The following SLC16A12 variants were observed in gnomAD, a reference collection of about 807,000 sequenced individuals.
The protein encoded by SLC16A12 is solute carrier family 16 member 12, also known as monocarboxylate transporter 12.
In SLC16A12, 17 loss-of-function variants were observed where a neutral mutation model predicts 42.4. That is an observed-to-expected ratio of 0.40 (90% CI 0.27 to 0.60). The LOEUF (loss-of-function observed/expected upper bound fraction) is 0.60, where lower values mean the gene tolerates loss of function less well. SLC16A12 is among the 20% of genes least tolerant of loss of function. The pLI, the probability that SLC16A12 is intolerant of heterozygous loss-of-function variation, is 0.42. For missense variants in SLC16A12, 544 were observed against 623.0 expected (o/e 0.87, Z 1.35); for synonymous variants, 224 against 229.4 (o/e 0.98, Z 0.21).
At chr10:89,522,923 T>A (rs933779205) in intron 2 of SLC16A12, among the ~76,000 whole-genome samples, 2 of 152,234 alleles carry the variant, frequency 1.3e-5, no homozygotes, top group Admixed American at 1.3e-4. Flanking sequence ...AGACCTTAGA[T>A]GGGATTTTCC....
chr10:89,452,049 C>A (rs1453004690), intron 3 of SLC16A12, among the ~76,000 whole-genome samples: 2 of 152,172 alleles, frequency 1.3e-5, no homozygotes, highest in Non-Finnish European at 2.9e-5. Flanking sequence ...CACAAAGGAC[C>A]AAGGATTTCT....
In SLC16A12 at chr10:89,459,155, C is replaced by G. The variant is rs186442384; in HGVS notation, c.200+3224G>C. Among the ~76,000 whole-genome samples the G allele has an allele frequency of 2.4e-3, 370 of 152,198 alleles. 4 individuals carry two copies. Among genetic ancestry groups the G allele is most frequent in the Non-Finnish European group, 3.1e-3 (210 of 68,004 alleles). ...AATTAATTCCTTGGTTCCTAGGTTT[C>G]TTAGTCTGAAGTGTGATTCTTAAGA... is the stretch of plus-strand genomic sequence containing the variant. On this transcript the variant is annotated intron_variant, in intron 3 of 7. Coordinates refer to ENST00000371790, the MANE Select transcript of SLC16A12 (RefSeq NM_213606.4).
chr10:89,551,310 G>A (rs1446638762), intron 2 of SLC16A12, among the ~76,000 whole-genome samples: 1 of 152,078 alleles, frequency 6.6e-6, no homozygotes, highest in Non-Finnish European at 1.5e-5. Context: ...AGGTAGGATG[G>A]TGCATGTTTG....
At chr10:89,442,755 C>T (rs1003178649) in intron 4 of SLC16A12, among the ~76,000 whole-genome samples, 1 of 152,172 alleles carries the variant, frequency 6.6e-6, no homozygotes, top group Non-Finnish European at 1.5e-5. Context: ...AAATATTATA[C>T]ATTTCAGTAC....
At position 89,431,496 on chromosome 10, in the gene SLC16A12, AG is replaced by A. The variant is rs1428534190; in HGVS notation, c.*1567del. 1 of 152,266 alleles carries A rather than the reference AG, an allele frequency of 6.6e-6. No homozygotes were observed. Among genetic ancestry groups the A allele is most frequent in the Non-Finnish European group, 1.5e-5 (1 of 68,052 alleles). The allele number at this position is 152,266 out of a possible 1,614,324, so 9.4% of individuals were successfully genotyped here. On this transcript the variant is annotated 3_prime_UTR_variant, in exon 8 of 8. Transcript: ENST00000371790. ...AACATGTGATTTTATGAAATAATCA[AG>A]GTATAGGCAAGCTCTCTTGCGGAGC...
intron 3 of SLC16A12, among the ~76,000 whole-genome samples, chr10:89,460,354 C>G (rs1299413614): frequency 1.3e-5 from 2 of 152,022 alleles, no homozygotes; most frequent in African/African-American, 4.8e-5. Context: ...GTCCAGGGAG[C>G]TGTCATATCA....
intron 2 of SLC16A12, among the ~76,000 whole-genome samples, chr10:89,526,333 C>G (rs941773056): frequency 6.6e-6 from 1 of 152,208 alleles, no homozygotes; most frequent in African/African-American, 2.4e-5. Context: ...CATCTCACCC[C>G]TCTCTAGAAA....
At chr10:89,521,372 G>A (rs745478931) in intron 2 of SLC16A12, among the ~76,000 whole-genome samples, 4 of 152,216 alleles carry the variant, frequency 2.6e-5, no homozygotes, top group South Asian at 4.1e-4. Context: ...CAGAGCAATA[G>A]CTCCATATCT....
chr10:89,450,237 T>C (rs1842071846), intron 3 of SLC16A12, among the ~76,000 whole-genome samples: 1 of 152,234 alleles, frequency 6.6e-6, no homozygotes. Flanking sequence ...AAATACCATT[T>C]GACCCAGTGA....
intron 2 of SLC16A12, among the ~76,000 whole-genome samples, chr10:89,531,075 T>G (rs1174972943): frequency 6.6e-6 from 1 of 152,174 alleles, no homozygotes; most frequent in Non-Finnish European, 1.5e-5. Flanking sequence ...CATTCTTTGT[T>G]TAGCATTCAT....
intron 2 of SLC16A12, among the ~76,000 whole-genome samples, chr10:89,520,649 ATG>A (rs1418973828): frequency 1.3e-5 from 2 of 151,456 alleles, no homozygotes; most frequent in Non-Finnish European, 2.9e-5. Flanking sequence ...TAGTTAGCAA[ATG>A]ACAATCCCTG....
chr10:89,439,072 G>A lies in SLC16A12; in HGVS notation c.560C>T (p.Thr187Ile), dbSNP rs1841858360. The A allele has an allele frequency of 6.2e-7, 1 of 1,613,388 alleles. No individual in the cohort carries two copies. The highest frequency in any genetic ancestry group is 8.5e-7 in the Non-Finnish European group (1 of 1,179,658). The change falls in exon 6 of 8, where the codon ACC (threonine) becomes ATC (isoleucine). Residue 187 changes from threonine to isoleucine, a missense_variant. Transcript: ENST00000371790. ...CTGAACCACAGGAGCCAGGATGAAGGTGCCAATGCCACTTCCTGACATGGC... is the reference window on the plus strand; with the variant it reads ...CTGAACCACAGGAGCCAGGATGAAGATGCCAATGCCACTTCCTGACATGGC... ...GIAMSGSGIGTFILAPVVQLL... is the reference protein window; with the variant it reads ...GIAMSGSGIGIFILAPVVQLL...
Position 89,459,316 on chromosome 10 carries a change from T to TAA in SLC16A12, c.200+3061_200+3062dup, listed in dbSNP as rs111833100. On this transcript the variant is annotated intron_variant, in intron 3 of 7. Transcript: ENST00000371790. ...ACTCCCATAACCAAGGCAGTTTTTT[T>TAA]AAAAAAAAAAACCCATGTCTTATAA... Among the ~76,000 whole-genome samples the TAA allele has an allele frequency of 3.2e-3, 478 of 148,896 alleles. 1 individual carries two copies. The highest frequency in any genetic ancestry group is 0.011 in the African/African-American group (439 of 40,718).
In SLC16A12 at chr10:89,462,482, T is replaced by C. The variant is rs144003754; in HGVS notation, c.97A>G (p.Lys33Glu). 2.3e-4 allele frequency: 371 copies of C among 1,614,082 alleles called. 1 individual carries two copies. In the African/African-American group the frequency reaches 4.4e-3, roughly 19 times the overall value. Residue 33 changes from lysine (K) to glutamate (E), a missense_variant, in exon 3 of 8, where the codon AAA becomes GAA. Coordinates refer to ENST00000371790, the MANE Select transcript of SLC16A12 (RefSeq NM_213606.4). ...GAGGTAGACCGAGCTCTATTTACTT[T>C]TGCCATGGTTTTTCTTTTTTCTTCT... ...GKEEKRKTMA[K>E]VNRARSTSPP...
At chr10:89,447,084 T>A (rs1436427788) in intron 3 of SLC16A12, among the ~76,000 whole-genome samples, 1 of 152,162 alleles carries the variant, frequency 6.6e-6, no homozygotes, top group Non-Finnish European at 1.5e-5. Flanking sequence ...ACGCACCCAA[T>A]ACAGGAGCAC....
chr10:89,443,706 T>C (rs750052445), intron 4 of SLC16A12, 50 bp downstream of exon 4: 4 of 1,275,144 alleles, frequency 3.1e-6, no homozygotes, highest in African/African-American at 1.5e-5. Flanking sequence ...CATTGTCATA[T>C]ACAGTTCAAG....
At chr10:89,480,497 C>G (rs1240598466) in intron 2 of SLC16A12, among the ~76,000 whole-genome samples, 2 of 152,110 alleles carry the variant, frequency 1.3e-5, no homozygotes, top group Middle Eastern at 3.2e-3. Context: ...ATACATTTTT[C>G]ATCTTCATTG....
intron 3 of SLC16A12, 30 bp downstream of exon 3, chr10:89,462,349 T>C (rs757829793): frequency 2.3e-5 from 37 of 1,613,754 alleles, no homozygotes; most frequent in Non-Finnish European, 2.9e-5. Context: ...CCAGGTCATC[T>C]TAATAAGTTA....
At chr10:89,524,536 C>T (rs566693047) in intron 2 of SLC16A12, among the ~76,000 whole-genome samples, 4 of 152,288 alleles carry the variant, frequency 2.6e-5, no homozygotes, top group South Asian at 2.1e-4. Context: ...GTTCAACCTG[C>T]GAATTTCTAC....
Sources: gnomAD v4.1 joint callset for allele counts (sites outside exome capture counted in the v4.1 genomes callset) on GRCh38, gnomAD v4.1.1 for gene constraint, MANE v1.5 for transcripts, NCBI Gene and HGNC (gene_info 2026-07-23, HGNC 2026-07-21) for gene names.